Variants in HDAC5 observed in about 807,000 individuals in gnomAD.
HDAC5 encodes the protein antigen NY-CO-9.
A neutral mutation model predicts 133.3 loss-of-function variants in HDAC5; 25 were observed. That is an observed-to-expected ratio of 0.19 (90% CI 0.14 to 0.26). The LOEUF is 0.26. Ranked by LOEUF, HDAC5 falls within the 10% of genes least tolerant of loss-of-function variation. The pLI is 1.00. For synonymous variants in HDAC5, 589 were observed against 610.8 expected (o/e 0.96, Z 0.53); for missense variants, 1,041 against 1,460.5 (o/e 0.71, Z 4.68).
At chr17:44,092,566 C>G (rs759128986) in intron 7 of HDAC5, 39 bp from the exon 8 acceptor site, 3 of 1,591,722 alleles carry the variant, frequency 1.9e-6, no homozygotes, top group Non-Finnish European at 2.6e-6. Flanking sequence ...ACGCGCACAG[C>G]AGCACACATC....
intron 7 of HDAC5, 57 bp from the exon 8 acceptor site, chr17:44,092,584 G>T: frequency 1.3e-6 from 2 of 1,576,188 alleles, no homozygotes; most frequent in Non-Finnish European, 1.7e-6. Flanking sequence ...ATCTGCAGCT[G>T]AGCCCACTGG....
chr17:44,091,335 T>G lies in HDAC5; in HGVS notation c.1322A>C (p.His441Pro), dbSNP rs1363846894. 1 of 1,609,668 alleles carries G rather than the reference T, an allele frequency of 6.2e-7. No homozygotes were observed. The highest frequency in any genetic ancestry group is 8.5e-7 in the Non-Finnish European group (1 of 1,178,286). ...CAGCACATGCTGCAGCAGGGAGGCA[T>G]GCCCGTGGGGGCTCCCGTCGCCCTC... Reference protein sequence around the residue: ...ALEGDGSPHGHASLLQHVLLL... With the variant: ...ALEGDGSPHGPASLLQHVLLL... Residue 441 changes from histidine (H) to proline (P), a missense_variant, in exon 11 of 27, where the codon CAT (histidine) becomes CCT (proline). Physicochemically the swap from His to Pro is moderately conservative, Grantham distance 77. Transcript: ENST00000682912.
At chr17:44,122,366 C>G (rs1260326505) in intron 1 of HDAC5, among the ~76,000 whole-genome samples, 1 of 152,066 alleles carries the variant, frequency 6.6e-6, no homozygotes, top group African/African-American at 2.4e-5. Context: ...ACCCTCCCCC[C>G]CACCTCCTTT....
At chr17:44,107,219 T>C (rs1598012396) in intron 3 of HDAC5, among the ~76,000 whole-genome samples, 2 of 152,314 alleles carry the variant, frequency 1.3e-5, no homozygotes, top group South Asian at 4.1e-4. Flanking sequence ...TCCAAAGTGC[T>C]GGGATTACAG....
intron 2 of HDAC5, among the ~76,000 whole-genome samples, chr17:44,113,555 T>G (rs2052468935): frequency 6.6e-6 from 1 of 152,102 alleles, no homozygotes; most frequent in Admixed American, 6.6e-5. Flanking sequence ...CCCCCCTCCT[T>G]GCAATTCACT....
At position 44,092,391 on chromosome 17, in the gene HDAC5, G is replaced by A. The variant is rs749010902; in HGVS notation, c.909C>T (p.Ala303=). 9.9e-6 allele frequency: 16 copies of A among 1,612,318 alleles called. No homozygotes were observed. The highest frequency in any genetic ancestry group is 1.3e-5 in the African/African-American group (1 of 74,876). Residue 303 remains alanine (A), a synonymous_variant, in exon 8 of 27, where the codon GCC becomes GCT. Transcript: ENST00000682912. ...FKKRAVEITG[A]GPGASSVCNS... ...GAGAGCAGCCCTTACCCCCAGGCCC[G>A]GCACCTGTGATCTCAACAGCTCTCT...
rs1393071466 is a variant in HDAC5 at position 44,117,903 on chromosome 17, A to G, written c.-189-199T>C. Among the ~76,000 whole-genome samples the G allele has an allele frequency of 6.6e-6, 1 of 152,196 alleles. No homozygotes were observed. The highest frequency in any genetic ancestry group is 6.5e-5 in the Admixed American group (1 of 15,280). On this transcript the variant is annotated intron_variant, in intron 1 of 26. Transcript: ENST00000682912. This position sits in a 1 kb window ranked among gnomAD's most constrained non-coding sequence, Gnocchi z 4.2. ...TAACTGATGAGGCTCCCAGAGCCCA[A>G]GGGATAGGAAATGGCTATGGTGGCC...
At chr17:44,101,511 G>A (rs1017775879) in intron 3 of HDAC5, among the ~76,000 whole-genome samples, 10 of 151,804 alleles carry the variant, frequency 6.6e-5, no homozygotes, top group African/African-American at 2.4e-4. Flanking sequence ...ACAAGGCATG[G>A]GACATTATTA....
At chr17:44,084,403 G>A (rs1027544474) in intron 16 of HDAC5, 152 bp downstream of exon 16, 1 of 879,766 alleles carries the variant, frequency 1.1e-6, no homozygotes, top group Non-Finnish European at 1.7e-6. Context: ...CCCTCTGGAG[G>A]TGTGTGACGT....
intron 23 of HDAC5, 197 bp from the exon 24 acceptor site, chr17:44,079,474 T>C (rs1163057197): frequency 6.0e-6 from 3 of 504,106 alleles, no homozygotes; most frequent in Non-Finnish European, 1.1e-5. Flanking sequence ...ACCCCGTCTC[T>C]ACTAAAAATA....
chr17:44,105,647 T>G (rs2051888441), intron 3 of HDAC5, among the ~76,000 whole-genome samples: 1 of 152,156 alleles, frequency 6.6e-6, no homozygotes, highest in African/African-American at 2.4e-5. Flanking sequence ...CCCATTCCAC[T>G]GGGGTTTAGA....
At chr17:44,109,853 T>A (rs1318567121) in intron 3 of HDAC5, among the ~76,000 whole-genome samples, 1 of 152,134 alleles carries the variant, frequency 6.6e-6, no homozygotes, top group African/African-American at 2.4e-5. Context: ...CAGGCATGGG[T>A]CCAGCAGGCC....
intron 3 of HDAC5, among the ~76,000 whole-genome samples, chr17:44,099,635 C>T (rs2051467911): frequency 6.6e-6 from 1 of 152,066 alleles, no homozygotes; most frequent in African/African-American, 2.4e-5. Flanking sequence ...CCACCACGCC[C>T]AGCTAATTTT....
intron 3 of HDAC5, among the ~76,000 whole-genome samples, chr17:44,097,555 C>A (rs1350853054): frequency 6.6e-6 from 1 of 152,258 alleles, no homozygotes; most frequent in Admixed American, 6.5e-5. Flanking sequence ...TGGCAGCCAG[C>A]TCAGGTCTCC....
rs2050770090 is a variant in HDAC5 at position 44,088,352 on chromosome 17, C to T, written c.1599+35G>A. ...GGTACTCTCCTGTGTCCTGCCCCCA[C>T]CACAGCCCCAGGCCATTCACCTTTC... is the stretch of plus-strand genomic sequence containing the variant. On this transcript the variant is annotated intron_variant, in intron 12 of 26. Transcript: ENST00000682912. 1.9e-6 allele frequency: 3 copies of T among 1,540,532 alleles called. No homozygotes were observed. In the East Asian group the frequency reaches 7.4e-5, roughly 38 times the overall value.
rs376453804 is a variant in HDAC5, at chr17:44,078,423, G to A, written c.3330-8C>T. 3.3e-6 allele frequency: 5 copies of A among 1,537,330 alleles called. No homozygotes were observed. The highest frequency in any genetic ancestry group is 4.4e-6 in the Non-Finnish European group (5 of 1,139,892). On this transcript the variant is annotated splice_polypyrimidine_tract_variant and splice_region_variant and intron_variant, in intron 26 of 26. Coordinates refer to ENST00000682912, the MANE Select transcript of HDAC5 (RefSeq NM_005474.5). ...ATGGGCTCCTCTGCCGGCCTGTGGG[G>A]CAAGCACAGGGGAGGGTATTGAGTG... is the stretch of plus-strand genomic sequence containing the variant.
At chr17:44,120,510 G>T (rs1242094815) in intron 1 of HDAC5, 3 of 152,190 alleles carry the variant, frequency 2.0e-5, no homozygotes, top group African/African-American at 7.2e-5. Flanking sequence ...CGAGGCCAAG[G>T]CAGGCGGATC....
intron 3 of HDAC5, among the ~76,000 whole-genome samples, chr17:44,108,398 A>G (rs2052106734): frequency 6.6e-6 from 1 of 152,180 alleles, no homozygotes; most frequent in African/African-American, 2.4e-5. Flanking sequence ...GTGCTGGGCA[A>G]TGGCAACAAC....
rs571118307 is a variant in HDAC5 at position 44,085,717 on chromosome 17, G to T, written c.2051-562C>A. On this transcript the variant is annotated intron_variant, in intron 14 of 26. Transcript: ENST00000682912. Reference sequence around the variant, plus strand: ...GGGTTTTACCATGTTGGCCAGGCTGGTCTCGAACTCCTGACCTCAGGTAAT... The same window carrying T: ...GGGTTTTACCATGTTGGCCAGGCTGTTCTCGAACTCCTGACCTCAGGTAAT... Among the ~76,000 whole-genome samples the T allele has an allele frequency of 4.6e-5, 7 of 152,194 alleles. No individual in the cohort carries two copies. In the South Asian group the frequency reaches 6.2e-4, roughly 14 times the overall value.
Sources: gnomAD v4.1 joint callset for allele counts (sites outside exome capture counted in the v4.1 genomes callset) on GRCh38, gnomAD v4.1.1 for gene constraint, Gnocchi (gnomAD v3.1) non-coding constraint, MANE v1.5 for transcripts, NCBI Gene and HGNC (gene_info 2026-07-23, HGNC 2026-07-21) for gene names.